Variants in GDAP2 observed in about 807,000 individuals in gnomAD.
GDAP2 encodes the protein ganglioside induced differentiation associated protein 2, also known as ganglioside-induced differentiation-associated protein 2.
A neutral mutation model predicts 67.0 loss-of-function variants in GDAP2; 51 were observed. The ratio of observed to expected loss-of-function variants is 0.76; its 90% CI spans 0.61 to 0.96. The LOEUF (loss-of-function observed/expected upper bound fraction) is 0.96. Ranked by LOEUF, GDAP2 falls within the 40% of genes least tolerant of loss-of-function variation. The pLI, the probability that GDAP2 is intolerant of heterozygous loss-of-function variation, is 0.00. For synonymous variants in GDAP2, 203 were observed against 207.3 expected (o/e 0.98, Z 0.18); for missense variants, 547 against 588.3 (o/e 0.93, Z 0.73).
At chr1:117,882,058 T>C (rs1192626772) in intron 11 of GDAP2, among the ~76,000 whole-genome samples, 181 bp from the exon 12 acceptor site, 1 of 152,146 alleles carries the variant, frequency 6.6e-6, no homozygotes, top group Non-Finnish European at 1.5e-5. Context: ...GAACATTCCA[T>C]TTTTTAAAGT....
chr1:117,887,087 C>A (rs1257641883), intron 9 of GDAP2, among the ~76,000 whole-genome samples: 1 of 152,008 alleles, frequency 6.6e-6, no homozygotes, highest in Non-Finnish European at 1.5e-5. Context: ...CACCACCACA[C>A]CTGGCTAATT....
intron 8 of GDAP2, among the ~76,000 whole-genome samples, chr1:117,889,707 T>A (rs1649000468): frequency 6.6e-6 from 1 of 152,072 alleles, no homozygotes. Context: ...AATTATGACA[T>A]CAAAAATGTG....
At chr1:117,896,797 C>T in intron 8 of GDAP2, 36 bp downstream of exon 8, 1 of 1,495,394 alleles carries the variant, frequency 6.7e-7, no homozygotes, top group Non-Finnish European at 9.1e-7. Flanking sequence ...CTTCTGATGT[C>T]CTTATGTATC....
In GDAP2 at chr1:117,863,910, T is replaced by C. The variant is rs1201894976; in HGVS notation, c.*6659A>G. On this transcript the variant is annotated 3_prime_UTR_variant, in exon 14 of 14. Transcript: ENST00000369443. ...ACTATGCATGCTTTATGTACATTAT[T>C]GCATTTGTTCCTCCTAATTATTCAA... The C allele has an allele frequency of 6.6e-6, 1 of 152,224 alleles. No individual in the cohort carries two copies. The highest frequency in any genetic ancestry group is 1.5e-5 in the Non-Finnish European group (1 of 68,040). 9.4% of individuals were successfully genotyped at this position (152,224 alleles called of 1,614,324 possible).
At chr1:117,921,168 T>C (rs1650240269) in intron 1 of GDAP2, among the ~76,000 whole-genome samples, 1 of 152,176 alleles carries the variant, frequency 6.6e-6, no homozygotes, top group Admixed American at 6.5e-5. Flanking sequence ...AAATGGTATA[T>C]TCATTCATCG....
intron 6 of GDAP2, among the ~76,000 whole-genome samples, chr1:117,905,901 T>C (rs981650970): frequency 2.6e-5 from 4 of 152,104 alleles, no homozygotes; most frequent in African/African-American, 7.2e-5. Context: ...AAAAACCTGA[T>C]AGAGGTACTA....
chr1:117,890,409 C>CTCTATA (rs541365241), intron 8 of GDAP2, among the ~76,000 whole-genome samples: 3 of 152,134 alleles, frequency 2.0e-5, no homozygotes, highest in South Asian at 2.1e-4. Flanking sequence ...GACACTCAAT[C>CTCTATA]TCTATATCTA....
At chr1:117,913,835 T>C (rs994269824) in intron 3 of GDAP2, among the ~76,000 whole-genome samples, 1 of 152,090 alleles carries the variant, frequency 6.6e-6, no homozygotes, top group African/African-American at 2.4e-5. Flanking sequence ...TCTTTGGGGG[T>C]AATTAGAATT....
chr1:117,893,467 C>T (rs1570975735), intron 8 of GDAP2, among the ~76,000 whole-genome samples: 2 of 152,218 alleles, frequency 1.3e-5, no homozygotes, highest in South Asian at 2.1e-4. Flanking sequence ...AAACTATTGC[C>T]AATCCATGTG....
rs1648190324 is a variant in GDAP2 at position 117,869,727 on chromosome 1, C to T, written c.*842G>A. ...ATGAAATGTCCTTAGAGGTAGTAGA[C>T]CTGATAGCTAAACAAAATCATTCAT... On this transcript the variant is annotated 3_prime_UTR_variant, in exon 14 of 14. Coordinates refer to ENST00000369443, the MANE Select transcript of GDAP2 (RefSeq NM_017686.4). 1 of 152,600 alleles carries T rather than the reference C, an allele frequency of 6.6e-6. No individual in the cohort carries two copies. Among genetic ancestry groups the T allele is most frequent in the Admixed American group, 6.6e-5 (1 of 15,260 alleles). The allele number at this position is 152,600 out of a possible 1,614,324, so 9.5% of individuals were successfully genotyped here.
chr1:117,889,049 A>C (rs1269369290), intron 8 of GDAP2, among the ~76,000 whole-genome samples: 2 of 152,314 alleles, frequency 1.3e-5, no homozygotes, highest in South Asian at 4.1e-4. Flanking sequence ...TTGAAAAGTC[A>C]AAGACAGTAG....
chr1:117,874,709 T>C (rs545747182), intron 13 of GDAP2, among the ~76,000 whole-genome samples: 2 of 152,254 alleles, frequency 1.3e-5, no homozygotes, highest in South Asian at 2.1e-4. Context: ...TAGGGAAAGT[T>C]TGAAACTTCT....
chr1:117,924,935 C>T (rs569504332), intron 1 of GDAP2, among the ~76,000 whole-genome samples: 6 of 152,084 alleles, frequency 3.9e-5, no homozygotes, highest in East Asian at 3.9e-4. Context: ...AATGGAATGA[C>T]GCTTGACAAA....
chr1:117,907,064 T>C (rs1016857630), intron 5 of GDAP2, among the ~76,000 whole-genome samples: 1 of 152,180 alleles, frequency 6.6e-6, no homozygotes, highest in African/African-American at 2.4e-5. Flanking sequence ...ACCCAGTCCT[T>C]CAGACCCTGA....
At chr1:117,917,235 T>G (rs1234720742) in intron 3 of GDAP2, among the ~76,000 whole-genome samples, 1 of 152,172 alleles carries the variant, frequency 6.6e-6, no homozygotes, top group Non-Finnish European at 1.5e-5. Flanking sequence ...ATCCAGTATC[T>G]CCTGTTACTC....
chr1:117,914,250 A>G (rs1003826397), intron 3 of GDAP2, among the ~76,000 whole-genome samples: 2 of 152,074 alleles, frequency 1.3e-5, no homozygotes, highest in East Asian at 1.9e-4. Context: ...AACACAGGGG[A>G]AAAAAAACTT....
chr1:117,914,220 C>G (rs2101157988), intron 3 of GDAP2, among the ~76,000 whole-genome samples: 1 of 152,134 alleles, frequency 6.6e-6, no homozygotes. Flanking sequence ...GGAGACTAAA[C>G]ACATGCTCAA....
chr1:117,883,219 A>T (rs928353968), intron 11 of GDAP2: 16 of 319,306 alleles, frequency 5.0e-5, no homozygotes, highest in African/African-American at 3.5e-4. Flanking sequence ...TTTGATAAGT[A>T]TAATACATCA....
At chr1:117,923,317 A>T (rs1224145120) in intron 1 of GDAP2, among the ~76,000 whole-genome samples, 1 of 152,250 alleles carries the variant, frequency 6.6e-6, no homozygotes, top group African/African-American at 2.4e-5. Flanking sequence ...TCACAAGAGT[A>T]TTGATTGGGG....
Sources: allele counts gnomAD v4.1 joint callset (sites outside exome capture counted in the v4.1 genomes callset), GRCh38; gene constraint gnomAD v4.1.1; transcripts MANE v1.5; gene names NCBI Gene and HGNC (gene_info 2026-07-23, HGNC 2026-07-21).